The following KCMF1 variants were observed in gnomAD, a reference collection of about 807,000 sequenced individuals.
The protein encoded by KCMF1 is potassium channel modulatory factor 1.
A neutral mutation model predicts 41.1 loss-of-function variants in KCMF1; 3 were observed. The ratio of observed to expected loss-of-function variants is 0.07; its 90% CI spans 0.03 to 0.19. KCMF1 has a LOEUF of 0.19. Among genes scored for constraint, KCMF1 ranks in the 10% least tolerant of loss-of-function variants. The pLI, the probability that KCMF1 is intolerant of heterozygous loss-of-function variation, is 1.00. For synonymous variants in KCMF1, 142 were observed against 164.5 expected, an observed-to-expected ratio of 0.86 and a Z score of 1.04; for missense variants, 286 against 488.9, an observed-to-expected ratio of 0.58 and a Z score of 3.91.
chr2:84,972,536 A>C (rs1673428160), intron 1 of KCMF1, among the ~76,000 whole-genome samples: 1 of 152,230 alleles, frequency 6.6e-6, no homozygotes, highest in African/African-American at 2.4e-5. Context: ...GCTAAGGTTA[A>C]TACAAGATTG....
chr2:85,013,388 G>A (rs1010071598), intron 1 of KCMF1, among the ~76,000 whole-genome samples: 1 of 152,046 alleles, frequency 6.6e-6, no homozygotes, highest in African/African-American at 2.4e-5. Flanking sequence ...TTCTAGTTTA[G>A]ATAACATTAA....
intron 1 of KCMF1, among the ~76,000 whole-genome samples, chr2:85,022,025 C>G (rs1461176283): frequency 6.6e-6 from 1 of 152,004 alleles, no homozygotes; most frequent in Admixed American, 6.6e-5. Flanking sequence ...CCATGTTGGT[C>G]AGGCTGGTCT....
chr2:85,028,381 C>T (rs1160079715), intron 2 of KCMF1, among the ~76,000 whole-genome samples: 2 of 150,292 alleles, frequency 1.3e-5, no homozygotes, highest in African/African-American at 2.4e-5. Flanking sequence ...GACAGGGTTT[C>T]ACCACGTTGG....
intron 1 of KCMF1, among the ~76,000 whole-genome samples, chr2:85,007,033 A>G (rs1674488034): frequency 6.7e-6 from 1 of 150,118 alleles, no homozygotes; most frequent in Admixed American, 6.7e-5. Context: ...CCCGGGAGCC[A>G]GAGGTTGCAG....
chr2:84,974,685 A>G (rs1316385990), intron 1 of KCMF1, among the ~76,000 whole-genome samples: 8 of 37,960 alleles, frequency 2.1e-4, no homozygotes, highest in African/African-American at 1.0e-3. Context: ...ATATATATAT[A>G]TATATATTTT....
chr2:85,003,034 T>G (rs1674371798), intron 1 of KCMF1, among the ~76,000 whole-genome samples: 1 of 152,214 alleles, frequency 6.6e-6, no homozygotes, highest in Non-Finnish European at 1.5e-5. Context: ...CTAAGCTTGC[T>G]TGTTTATTTG....
intron 5 of KCMF1, among the ~76,000 whole-genome samples, chr2:85,047,812 G>A (rs1675708993): frequency 6.6e-6 from 1 of 152,098 alleles, no homozygotes; most frequent in Admixed American, 6.5e-5. Flanking sequence ...GTGTCCATGT[G>A]GTGAAGTGTG....
At chr2:84,993,077 C>CT (rs2103979342) in intron 1 of KCMF1, among the ~76,000 whole-genome samples, 1 of 151,858 alleles carries the variant, frequency 6.6e-6, no homozygotes, top group East Asian at 2.0e-4. Flanking sequence ...GTCCCAGCTA[C>CT]TTGGGAGGCT....
At chr2:85,006,249 C>G (rs139193478) in intron 1 of KCMF1, among the ~76,000 whole-genome samples, 1 of 150,732 alleles carries the variant, frequency 6.6e-6, no homozygotes, top group Admixed American at 6.6e-5. Flanking sequence ...GTTTCACTTT[C>G]CTTATATTGC....
intron 1 of KCMF1, among the ~76,000 whole-genome samples, chr2:85,017,228 T>A (rs1048014458): frequency 6.6e-6 from 1 of 151,564 alleles, no homozygotes; most frequent in Admixed American, 6.6e-5. Flanking sequence ...GGGTTTCACC[T>A]TGTTAGCCAG....
chr2:85,049,780 T>G, intron 6 of KCMF1, 132 bp downstream of exon 6: 1 of 703,876 alleles, frequency 1.4e-6, no homozygotes, highest in Non-Finnish European at 2.3e-6. Context: ...CACAGATCTC[T>G]GATTAAAACG....
intron 1 of KCMF1, among the ~76,000 whole-genome samples, chr2:85,000,530 A>G (rs1310911274): frequency 6.6e-6 from 1 of 152,194 alleles, no homozygotes; most frequent in Admixed American, 6.5e-5. Flanking sequence ...TCTCTATTTC[A>G]TATTTGGAAG....
At chr2:84,972,210 C>T (rs1344246465) in intron 1 of KCMF1, 3 of 152,326 alleles carry the variant, frequency 2.0e-5, no homozygotes, top group East Asian at 1.9e-4. Flanking sequence ...CATGTGCTGC[C>T]TACCAGACCA....
intron 1 of KCMF1, among the ~76,000 whole-genome samples, chr2:85,008,047 G>A (rs1001918473): frequency 1.3e-5 from 2 of 151,824 alleles, no homozygotes; most frequent in Non-Finnish European, 2.9e-5. Context: ...ACAGGCGTGA[G>A]CCACCGTGCC....
intron 1 of KCMF1, among the ~76,000 whole-genome samples, chr2:85,010,490 C>A (rs1315054332): frequency 1.3e-5 from 2 of 152,150 alleles, no homozygotes; most frequent in Non-Finnish European, 2.9e-5. Flanking sequence ...CTGTTCTAGA[C>A]CTTATTTTCA....
rs142986639 is a variant in KCMF1, at chr2:85,005,501, G to T, written c.17-22388G>T. Among the ~76,000 whole-genome samples, 795 of 151,134 alleles carry T rather than the reference G, an allele frequency of 5.3e-3. 5 individuals carry two copies. Among genetic ancestry groups the T allele is most frequent in the African/African-American group, 0.019 (762 of 41,134 alleles). The stretch of plus-strand genomic sequence containing the variant: ...GACAGGGTTTCACCGTGTTAGCCAG[G>T]ATGGTCTCGAACTCCTGACCTCAGA... On this transcript the variant is annotated intron_variant, in intron 1 of 6. Coordinates refer to ENST00000409785, the MANE Select transcript of KCMF1 (RefSeq NM_020122.5).
intron 1 of KCMF1, among the ~76,000 whole-genome samples, chr2:84,984,848 ACTT>A (rs1181049916): frequency 1.3e-5 from 2 of 151,770 alleles, no homozygotes; most frequent in African/African-American, 2.4e-5. Context: ...AAAGAAAGAA[ACTT>A]CTATTATTTA....
At chr2:85,001,379 G>A (rs1042765369) in intron 1 of KCMF1, among the ~76,000 whole-genome samples, 2 of 151,640 alleles carry the variant, frequency 1.3e-5, no homozygotes, top group African/African-American at 2.4e-5. Flanking sequence ...GGCTGGTCTC[G>A]AACTCCTGAC....
rs1385169116 is a variant in KCMF1, at chr2:85,057,637, A to ACATAAG, written c.*4230_*4231insTAAGCA. ...GTGCTTATCGGCTTCAACTGTGCTTACACAACGTTTGTTTCTAATTCGTAC... is the reference window on the plus strand; with the variant it reads ...GTGCTTATCGGCTTCAACTGTGCTTACATAAGCACAACGTTTGTTTCTAATTCGTAC... On this transcript the variant is annotated 3_prime_UTR_variant, in exon 7 of 7. Coordinates refer to ENST00000409785, the MANE Select transcript of KCMF1 (RefSeq NM_020122.5). The ACATAAG allele has an allele frequency of 6.6e-6, 1 of 152,248 alleles. No homozygotes were observed. The highest frequency in any genetic ancestry group is 6.5e-5 in the Admixed American group (1 of 15,286). 9.4% of individuals were successfully genotyped at this position (152,248 alleles called of 1,614,324 possible).
Sources: gnomAD v4.1 joint callset for allele counts (sites outside exome capture counted in the v4.1 genomes callset) on GRCh38, gnomAD v4.1.1 for gene constraint, MANE v1.5 for transcripts, NCBI Gene and HGNC (gene_info 2026-07-23, HGNC 2026-07-21) for gene names.